PEAK1: variants seen among roughly 807,000 people sequenced by gnomAD.
The protein encoded by PEAK1 is pseudopodium enriched atypical kinase 1.
A neutral mutation model predicts 124.7 loss-of-function variants in PEAK1; 54 were observed. That is an observed-to-expected ratio of 0.43 (90% CI 0.35 to 0.54). The LOEUF is 0.54. PEAK1 is among the 20% of genes least tolerant of loss of function. The pLI is 0.01. For missense variants in PEAK1, 2,046 were observed against 2,134.5 expected, an observed-to-expected ratio of 0.96 and a Z score of 0.82; for synonymous variants, 719 against 760.0, an observed-to-expected ratio of 0.95 and a Z score of 0.89.
intron 6 of PEAK1, among the ~76,000 whole-genome samples, chr15:77,216,544 C>A (rs772576030): frequency 7.9e-5 from 12 of 152,096 alleles, no homozygotes; most frequent in Admixed American, 2.0e-4. Flanking sequence ...GGGGTCAATG[C>A]CCCAAAGAAA....
At chr15:77,210,300 C>CT (rs1386639824) in intron 6 of PEAK1, among the ~76,000 whole-genome samples, 2 of 152,110 alleles carry the variant, frequency 1.3e-5, no homozygotes, top group Non-Finnish European at 1.5e-5. Flanking sequence ...ATGGACAAGT[C>CT]ATTAGTTTGT....
rs145016846 is a variant in PEAK1, at chr15:77,243,456, C to T, written c.-115+8911G>A. Among the ~76,000 whole-genome samples the T allele has an allele frequency of 6.4e-4, 97 of 152,288 alleles. 1 individual carries two copies. The highest frequency in any genetic ancestry group is 2.3e-3 in the African/African-American group (95 of 41,554). The stretch of plus-strand genomic sequence containing the variant: ...TTTCTTTCCACTTTCAGGAAAAAGC[C>T]TAATTTATTTCCCAGGAAAAATCGA... On this transcript the variant is annotated intron_variant, in intron 6 of 9. Coordinates refer to ENST00000682557, the MANE Select transcript of PEAK1 (RefSeq NM_001385026.1).
Position 77,180,812 on chromosome 15 carries a change from C to A in PEAK1, c.1115G>T (p.Gly372Val), listed in dbSNP as rs2057216136. The A allele has an allele frequency of 2.5e-6, 4 of 1,613,928 alleles. No individual in the cohort carries two copies. The highest frequency in any genetic ancestry group is 3.4e-6 in the Non-Finnish European group (4 of 1,179,966). The change falls in exon 7 of 10, where the codon GGT becomes GTT. Residue 372 changes from glycine (G) to valine (V), a missense_variant. By Grantham distance (109) the Gly-to-Val change is moderately radical. Transcript: ENST00000682557. ...QKICNGGLSPGNPGDSKDMKE... is the reference protein window; with the variant it reads ...QKICNGGLSPVNPGDSKDMKE... ...CATGTCCTTAGAATCTCCTGGGTTACCAGGAGATAATCCCCCATTACAAAT... is the reference window on the plus strand; with the variant it reads ...CATGTCCTTAGAATCTCCTGGGTTAACAGGAGATAATCCCCCATTACAAAT...
intron 1 of PEAK1, chr15:77,403,198 T>C: frequency 1.0e-6 from 1 of 985,406 alleles, no homozygotes; most frequent in Non-Finnish European, 1.2e-6. Flanking sequence ...GAGATTGTAT[T>C]TGTCTCTCAA....
chr15:77,223,886 A>ATTTTTTTTTTT (rs10719377), intron 6 of PEAK1, among the ~76,000 whole-genome samples: 2 of 121,584 alleles, frequency 1.6e-5, no homozygotes, highest in Non-Finnish European at 3.5e-5. Flanking sequence ...CATTTGAGAG[A>ATTTTTTTTTTT]TTTTTTTTTT....
chr15:77,192,319 G>C (rs185640573), intron 6 of PEAK1, among the ~76,000 whole-genome samples: 2 of 152,266 alleles, frequency 1.3e-5, no homozygotes, highest in East Asian at 3.9e-4. Flanking sequence ...AAGTGATGAG[G>C]CCAGTGATGG....
chr15:77,355,355 T>C (rs868126730), intron 2 of PEAK1, among the ~76,000 whole-genome samples: 5 of 152,118 alleles, frequency 3.3e-5, no homozygotes, highest in African/African-American at 9.7e-5. Flanking sequence ...ATAAGTAAAA[T>C]ACAAATTTAC....
rs1286473673 is a variant in PEAK1 at position 77,114,123 on chromosome 15, G to A, written c.*33C>T. 4 of 1,594,948 alleles carry A rather than the reference G, an allele frequency of 2.5e-6. No homozygotes were observed. In the Admixed American group the frequency reaches 6.7e-5, roughly 27 times the overall value. On this transcript the variant is annotated 3_prime_UTR_variant, in exon 10 of 10. Coordinates refer to ENST00000682557, the MANE Select transcript of PEAK1 (RefSeq NM_001385026.1). ...AGTGCATGGGTGACATGAAGAAGGT[G>A]AAGATGTAGTAAAAGCATCATCCAG...
intron 2 of PEAK1, chr15:77,336,531 A>C (rs535876298): frequency 3.0e-6 from 3 of 985,446 alleles, no homozygotes; most frequent in South Asian, 9.4e-5. Flanking sequence ...CTTGTTGCCC[A>C]CATGAAATAT....
At chr15:77,163,652 G>A (rs776197957) in intron 7 of PEAK1, among the ~76,000 whole-genome samples, 1 of 152,180 alleles carries the variant, frequency 6.6e-6, no homozygotes, top group Non-Finnish European at 1.5e-5. Flanking sequence ...AAATATCCAA[G>A]TATTTCCACA....
chr15:77,229,470 C>T (rs986460131), intron 6 of PEAK1, among the ~76,000 whole-genome samples: 3 of 152,146 alleles, frequency 2.0e-5, no homozygotes, highest in Non-Finnish European at 4.4e-5. Flanking sequence ...TTATTATTCT[C>T]ATGGCACTCA....
chr15:77,267,818 A>C (rs188106396), intron 5 of PEAK1, among the ~76,000 whole-genome samples: 80 of 152,248 alleles, frequency 5.3e-4, no homozygotes, highest in African/African-American at 1.7e-3. Context: ...TAACACCCCC[A>C]AAAAATCACA....
intron 5 of PEAK1, among the ~76,000 whole-genome samples, chr15:77,253,244 T>TA (rs377748179): frequency 2.4e-4 from 31 of 126,974 alleles, no homozygotes; most frequent in Admixed American, 1.1e-3. Flanking sequence ...TTGGTATGCG[T>TA]TGGGGGGGGG....
At chr15:77,231,640 A>G (rs1002587029) in intron 6 of PEAK1, among the ~76,000 whole-genome samples, 12 of 152,216 alleles carry the variant, frequency 7.9e-5, no homozygotes, top group African/African-American at 2.9e-4. Flanking sequence ...GATATGGTCA[A>G]AAACTTCAAA....
chr15:77,336,341 C>T lies in PEAK1; in HGVS notation c.-603+28822G>A, dbSNP rs145206616. On this transcript the variant is annotated intron_variant, in intron 2 of 9. Coordinates refer to ENST00000682557, the MANE Select transcript of PEAK1 (RefSeq NM_001385026.1). ...CAACGAGGGCTCACCCTCATATTCT[C>T]TCACCAAAAAGCTCTCATTATAGAG... The T allele has an allele frequency of 1.5e-5, 15 of 985,406 alleles. No homozygotes were observed. In the East Asian group the frequency reaches 1.2e-3, roughly 82 times the overall value. The allele number at this position is 985,406 out of a possible 1,614,324, so 61.0% of individuals were successfully genotyped here.
In PEAK1 at chr15:77,351,816, G is replaced by A. The variant is rs528832637; in HGVS notation, c.-603+13347C>T. ...TGGAGCACTGAAAAGTTTTGAACAC[G>A]GGTGTGGTAACAGTTTGAGTTTTAG... On this transcript the variant is annotated intron_variant, in intron 2 of 9. Coordinates refer to ENST00000682557, the MANE Select transcript of PEAK1 (RefSeq NM_001385026.1). 40 of 985,316 alleles carry A rather than the reference G, an allele frequency of 4.1e-5. No homozygotes were observed. In the Admixed American group the frequency reaches 1.5e-3, roughly 38 times the overall value. The allele number at this position is 985,316 out of a possible 1,614,324, so 61.0% of individuals were successfully genotyped here.
chr15:77,406,141 C>T (rs1045601067), intron 1 of PEAK1, among the ~76,000 whole-genome samples: 5 of 152,104 alleles, frequency 3.3e-5, no homozygotes, highest in African/African-American at 1.2e-4. Flanking sequence ...TGGAAACGAA[C>T]GAGCTCTTTT....
At chr15:77,187,027 T>C (rs2057581016) in intron 6 of PEAK1, among the ~76,000 whole-genome samples, 1 of 152,198 alleles carries the variant, frequency 6.6e-6, no homozygotes, top group Admixed American at 6.5e-5. Context: ...AATAAAACAG[T>C]CTATCCTGGT....
chr15:77,196,387 A>AT (rs2058103488), intron 6 of PEAK1, among the ~76,000 whole-genome samples: 1 of 152,230 alleles, frequency 6.6e-6, no homozygotes, highest in South Asian at 2.1e-4. Context: ...CTTAGAAGTC[A>AT]TTAGTTTTCT....
Sources: gnomAD v4.1 joint callset for allele counts (sites outside exome capture counted in the v4.1 genomes callset) on GRCh38, gnomAD v4.1.1 for gene constraint, MANE v1.5 for transcripts, NCBI Gene and HGNC (gene_info 2026-07-23, HGNC 2026-07-21) for gene names.